The following MACF1 variants were observed in gnomAD, a reference collection of about 807,000 sequenced individuals.
The protein encoded by MACF1 is microtubule-actin cross-linking factor 1.
Under a neutral mutation model 854.8 loss-of-function variants are expected in MACF1, and 193 were observed. The observed-to-expected ratio is 0.23, with a 90% confidence interval of 0.20 to 0.25. The LOEUF is 0.25. Ranked by LOEUF, MACF1 falls within the 10% of genes least tolerant of loss-of-function variation. The pLI, the probability that MACF1 is intolerant of heterozygous loss-of-function variation, is 1.00. For missense variants in MACF1, 7,722 were observed against 8,929.1 expected (o/e 0.86, Z 5.45); for synonymous variants, 3,185 against 3,226.7 (o/e 0.99, Z 0.44).
chr1:39,145,292 C>T (rs1295654227), intron 2 of MACF1, among the ~76,000 whole-genome samples: 2 of 152,154 alleles, frequency 1.3e-5, no homozygotes, highest in Non-Finnish European at 2.9e-5. Context: ...ACCTTATAAA[C>T]TCTCAATAAG....
At position 39,306,949 on chromosome 1, in the gene MACF1, A is replaced by G. The variant is rs571729585; in HGVS notation, c.2790-2621A>G. On this transcript the variant is annotated intron_variant, in intron 23 of 100. Coordinates refer to ENST00000564288, the MANE Select transcript of MACF1 (RefSeq NM_001394062.1). Reference sequence around the variant, plus strand: ...GGAGTGGAGTGCATGGTCTTAGCACATGGCAGCCTCCACCTCCTGGGCTCA... The same window carrying G: ...GGAGTGGAGTGCATGGTCTTAGCACGTGGCAGCCTCCACCTCCTGGGCTCA... 5.3e-5 allele frequency among the ~76,000 whole-genome samples: 8 copies of G among 151,416 alleles called. No individual in the cohort carries two copies. In the East Asian group the frequency reaches 1.2e-3, roughly 22 times the overall value.
intron 2 of MACF1, among the ~76,000 whole-genome samples, chr1:39,098,022 A>G (rs942532312): frequency 6.6e-6 from 1 of 152,190 alleles, no homozygotes; most frequent in African/African-American, 2.4e-5. Flanking sequence ...GAACCTCCCA[A>G]TTCCCCAAAG....
chr1:39,251,449 G>A (rs571605204), intron 3 of MACF1, among the ~76,000 whole-genome samples: 10 of 152,212 alleles, frequency 6.6e-5, no homozygotes, highest in African/African-American at 1.4e-4. Context: ...TATTGCTTAC[G>A]TAATAAGTTG....
intron 21 of MACF1, among the ~76,000 whole-genome samples, chr1:39,298,191 T>G (rs1223799497): frequency 6.6e-6 from 1 of 151,982 alleles, no homozygotes; most frequent in Non-Finnish European, 1.5e-5. Flanking sequence ...ATTTTCCTCC[T>G]TGGTAGTTTT....
At chr1:39,289,754 C>T (rs1474049278) in intron 15 of MACF1, among the ~76,000 whole-genome samples, 7 of 114,540 alleles carry the variant, frequency 6.1e-5, no homozygotes, top group Non-Finnish European at 1.0e-4. Context: ...GTCTCCCAGG[C>T]TGGAGTGCAA....
intron 49 of MACF1, among the ~76,000 whole-genome samples, chr1:39,363,450 A>G (rs534613023): frequency 6.6e-6 from 1 of 152,290 alleles, no homozygotes; most frequent in South Asian, 2.1e-4. Context: ...CCTTACAAAA[A>G]AGAAGGGTAT....
At chr1:39,187,230 C>T (rs1036785882) in intron 2 of MACF1, among the ~76,000 whole-genome samples, 3 of 151,970 alleles carry the variant, frequency 2.0e-5, no homozygotes, top group Non-Finnish European at 4.4e-5. Context: ...TTTAATTTTT[C>T]CTGGAATTAA....
intron 1 of MACF1, among the ~76,000 whole-genome samples, chr1:39,217,240 C>CTATTTTATTTTATTTTATTTTATTT (rs60350458): frequency 5.0e-4 from 68 of 135,910 alleles, no homozygotes; most frequent in Middle Eastern, 3.5e-3. Context: ...GATTTAGGGT[C>CTATTTTATTTTATTTTATTTTATTT]TATTTTATTT....
rs1455310185 is a variant in MACF1, at chr1:39,231,040, A to G, written c.110-142A>G. On this transcript the variant is annotated intron_variant, in intron 1 of 100. Coordinates refer to ENST00000564288, the MANE Select transcript of MACF1 (RefSeq NM_001394062.1). ...CCAAAGAGGAAGTTCAGCTAGGCCAAACCTTCCTAAGAAGAAGTCACTGTC... is the reference window on the plus strand; with the variant it reads ...CCAAAGAGGAAGTTCAGCTAGGCCAGACCTTCCTAAGAAGAAGTCACTGTC... The G allele has an allele frequency of 9.9e-6, 7 of 707,956 alleles. No individual in the cohort carries two copies. In the African/African-American group the frequency reaches 1.1e-4, roughly 11 times the overall value. 43.9% of individuals were successfully genotyped at this position (707,956 alleles called of 1,614,324 possible).
intron 2 of MACF1, among the ~76,000 whole-genome samples, chr1:39,182,724 G>A (rs1644121149): frequency 6.6e-6 from 1 of 152,152 alleles, no homozygotes; most frequent in South Asian, 2.1e-4. Context: ...TGGAGAAATT[G>A]GAACACCCCC....
At chr1:39,153,998 C>T (rs1643633474) in intron 2 of MACF1, among the ~76,000 whole-genome samples, 1 of 152,150 alleles carries the variant, frequency 6.6e-6, no homozygotes, top group South Asian at 2.1e-4. Flanking sequence ...CCTGGGTTAG[C>T]AGCTGCTTTG....
intron 1 of MACF1, among the ~76,000 whole-genome samples, chr1:39,220,481 ATT>A (rs370805398): frequency 2.4e-5 from 3 of 126,416 alleles, no homozygotes; most frequent in African/African-American, 3.0e-5. Flanking sequence ...CCTTTAATGA[ATT>A]TTTTTTTTTT....
chr1:39,186,925 T>C (rs1293121766), intron 2 of MACF1, among the ~76,000 whole-genome samples: 1 of 151,926 alleles, frequency 6.6e-6, no homozygotes, highest in Admixed American at 6.6e-5. Context: ...TTCTGTTTCT[T>C]TTTTTTCTGC....
Position 39,357,434 on chromosome 1 carries a change from T to C in MACF1, c.11484T>C (p.Ala3828=), listed in dbSNP as rs758958511. 6.2e-7 allele frequency: 1 copy of C among 1,614,146 alleles called. No individual in the cohort carries two copies. Among genetic ancestry groups the C allele is most frequent in the Non-Finnish European group, 8.5e-7 (1 of 1,180,032 alleles). The change falls in exon 45 of 101, where the codon GCT becomes GCC. Residue 3828 remains alanine, a synonymous_variant. Coordinates refer to ENST00000564288, the MANE Select transcript of MACF1 (RefSeq NM_001394062.1). ...QQNFILATQS[A]QAFLDQHGHN... is the part of the protein sequence containing the mutation. ...ATTTCATTCTGGCCACCCAGTCAGCTCAGGCCTTCTTGGATCAGCATGGCC... is the reference window on the plus strand; with the variant it reads ...ATTTCATTCTGGCCACCCAGTCAGCCCAGGCCTTCTTGGATCAGCATGGCC...
intron 2 of MACF1, among the ~76,000 whole-genome samples, chr1:39,141,305 C>G (rs763784017): frequency 6.5e-4 from 99 of 152,266 alleles, no homozygotes; most frequent in Admixed American, 2.9e-3. Context: ...ATTGCTGGGT[C>G]CCATCCTCAG....
At chr1:39,410,203 A>C in intron 58 of MACF1, 1 of 1,256,350 alleles carries the variant, frequency 8.0e-7, no homozygotes. Context: ...TGTAGAATGC[A>C]TTTGGGGGGA....
chr1:39,324,779 C>G, intron 35 of MACF1, 45 bp downstream of exon 35: 1 of 1,417,862 alleles, frequency 7.1e-7, no homozygotes, highest in Non-Finnish European at 1.0e-6. Context: ...GGCACCTGGT[C>G]TATCAGTCTA....
At chr1:39,481,697 G>A (rs1030156950) in intron 99 of MACF1, among the ~76,000 whole-genome samples, 2 of 152,220 alleles carry the variant, frequency 1.3e-5, no homozygotes, top group Non-Finnish European at 2.9e-5. Flanking sequence ...TTTTGGAAGA[G>A]CAGTGTTTTA....
intron 72 of MACF1, among the ~76,000 whole-genome samples, chr1:39,439,963 A>G (rs1258656203): frequency 6.6e-6 from 1 of 152,096 alleles, no homozygotes; most frequent in Non-Finnish European, 1.5e-5. Context: ...TCATTATATT[A>G]CATTTCTTAA....
Sources: allele counts gnomAD v4.1 joint callset (sites outside exome capture counted in the v4.1 genomes callset), GRCh38; gene constraint gnomAD v4.1.1; transcripts MANE v1.5; gene names NCBI Gene and HGNC (gene_info 2026-07-23, HGNC 2026-07-21).